Variants in FBXL17 observed in about 807,000 individuals in gnomAD.
FBXL17 encodes F-box and leucine rich repeat protein 17.
A neutral mutation model predicts 66.2 loss-of-function variants in FBXL17; 22 were observed. The observed-to-expected ratio is 0.33, with a 90% CI of 0.24 to 0.47. The LOEUF (loss-of-function observed/expected upper bound fraction) is 0.47, where lower values mean the gene tolerates loss of function less well. FBXL17 is among the 20% of genes least tolerant of loss of function. The probability of loss-of-function intolerance (pLI) is 1.00; values close to 1 mark genes in which losing one functional copy is unlikely to be tolerated. For synonymous variants in FBXL17, 474 were observed against 400.5 expected (o/e 1.18, Z -2.19); for missense variants, 878 against 948.2 (o/e 0.93, Z 0.97).
chr5:108,285,692 AAAACAGTGGGCTTTGT>A (rs1435580417), intron 4 of FBXL17, among the ~76,000 whole-genome samples: 9 of 151,870 alleles, frequency 5.9e-5, no homozygotes, highest in African/African-American at 1.9e-4. Flanking sequence ...TGTGGGCTTG[AAAACAGTGGGCTTTGT>A]AAACAGTGGG....
At chr5:108,380,513 G>A (rs1749771032) in intron 1 of FBXL17, among the ~76,000 whole-genome samples, 186 bp downstream of exon 1, 1 of 152,162 alleles carries the variant, frequency 6.6e-6, no homozygotes, top group African/African-American at 2.4e-5. Context: ...GACTCCAAGT[G>A]CTCCTACTTC....
chr5:108,001,921 A>C (rs1753745395), intron 7 of FBXL17, among the ~76,000 whole-genome samples: 1 of 152,160 alleles, frequency 6.6e-6, no homozygotes, highest in African/African-American at 2.4e-5. Context: ...AATCTTGATG[A>C]TTCTAATAAC....
intron 6 of FBXL17, among the ~76,000 whole-genome samples, chr5:108,033,641 C>A (rs1167566547): frequency 1.3e-5 from 2 of 152,134 alleles, no homozygotes; most frequent in Admixed American, 1.3e-4. Context: ...ATTAGTAGTA[C>A]ACACGTAGTA....
chr5:108,162,758 A>G (rs1752263446), intron 6 of FBXL17, among the ~76,000 whole-genome samples: 1 of 152,134 alleles, frequency 6.6e-6, no homozygotes, highest in Admixed American at 6.5e-5. Flanking sequence ...TAACAGTATC[A>G]CCTCACAGGG....
intron 6 of FBXL17, among the ~76,000 whole-genome samples, chr5:108,030,483 C>T (rs919462611): frequency 1.3e-5 from 2 of 152,148 alleles, no homozygotes; most frequent in South Asian, 4.1e-4. Flanking sequence ...AAACAACCAA[C>T]ATTCCCAATC....
intron 7 of FBXL17, among the ~76,000 whole-genome samples, chr5:107,982,941 G>C (rs1752880525): frequency 6.6e-6 from 1 of 152,114 alleles, no homozygotes; most frequent in South Asian, 2.1e-4. Context: ...ACACCTAGAA[G>C]GCTGTTCTCA....
intron 6 of FBXL17, among the ~76,000 whole-genome samples, chr5:108,062,667 T>C (rs1468960427): frequency 6.6e-6 from 1 of 152,180 alleles, no homozygotes; most frequent in Non-Finnish European, 1.5e-5. Context: ...TAAAGCAATT[T>C]TCATGACTTT....
chr5:108,022,072 A>C lies in FBXL17; in HGVS notation c.1746-1071T>G, dbSNP rs1754625652. ...TTTACTTCACATAATTCATTATTGA[A>C]GGTTAAATTAGTTATAGAGAAGACA... On this transcript the variant is annotated intron_variant, in intron 6 of 8. Coordinates refer to ENST00000542267, the MANE Select transcript of FBXL17 (RefSeq NM_001163315.3). 3.3e-5 allele frequency among the ~76,000 whole-genome samples: 5 copies of C among 151,946 alleles called. No homozygotes were observed. The South Asian group carries it at 1.0e-3, about 31-fold the overall frequency.
At position 108,068,410 on chromosome 5, in the gene FBXL17, A is replaced by G. The variant is rs193132097; in HGVS notation, c.1746-47409T>C. 3.4e-3 allele frequency among the ~76,000 whole-genome samples: 489 copies of G among 144,998 alleles called. 3 individuals carry two copies. The highest frequency in any genetic ancestry group is 0.012 in the African/African-American group (464 of 39,512). ...CCCCCAAAAAGTACTCTTTATACCC[A>G]TAAAATCTAAATACTCCTAATTTCT... On this transcript the variant is annotated intron_variant, in intron 6 of 8. Coordinates refer to ENST00000542267, the MANE Select transcript of FBXL17 (RefSeq NM_001163315.3).
chr5:107,866,433 C>G (rs1748277459), intron 8 of FBXL17, among the ~76,000 whole-genome samples: 1 of 152,144 alleles, frequency 6.6e-6, no homozygotes, highest in South Asian at 2.1e-4. Flanking sequence ...CATCTATTAG[C>G]ACTTTGTGAA....
intron 6 of FBXL17, among the ~76,000 whole-genome samples, chr5:108,184,279 T>C (rs1217060927): frequency 1.3e-5 from 2 of 151,994 alleles, no homozygotes; most frequent in Admixed American, 1.3e-4. Context: ...CAAAACTTAG[T>C]CGGATGTGGT....
intron 7 of FBXL17, among the ~76,000 whole-genome samples, chr5:107,939,376 G>C (rs1034196875): frequency 6.6e-6 from 1 of 152,068 alleles, no homozygotes; most frequent in African/African-American, 2.4e-5. Context: ...GAGTAAATAA[G>C]TGACCTCTTT....
intron 7 of FBXL17, among the ~76,000 whole-genome samples, chr5:107,943,104 G>T (rs1267817346): frequency 2.0e-5 from 3 of 152,036 alleles, no homozygotes; most frequent in Non-Finnish European, 4.4e-5. Flanking sequence ...CGTAAATGTA[G>T]GTGAGCCCAG....
chr5:108,104,432 T>C lies in FBXL17; in HGVS notation c.1745+81685A>G, dbSNP rs548882614. ...AGTGAAAATAAAGAAGTCAATCCTC[T>C]AAGACTTCTCTTGAATTTATAGAAC... On this transcript the variant is annotated intron_variant, in intron 6 of 8. Transcript: ENST00000542267. 9.8e-5 allele frequency among the ~76,000 whole-genome samples: 15 copies of C among 152,366 alleles called. No homozygotes were observed. In the East Asian group the frequency reaches 2.3e-3, roughly 23 times the overall value.
intron 7 of FBXL17, among the ~76,000 whole-genome samples, chr5:107,947,186 C>G (rs1156476639): frequency 6.6e-6 from 1 of 152,140 alleles, no homozygotes; most frequent in Non-Finnish European, 1.5e-5. Context: ...GTACAATGGC[C>G]TTTACCGCGG....
chr5:108,305,705 C>A (rs1335312162), intron 4 of FBXL17, among the ~76,000 whole-genome samples: 1 of 152,042 alleles, frequency 6.6e-6, no homozygotes, highest in Non-Finnish European at 1.5e-5. Flanking sequence ...TCAGTTTGAA[C>A]TGAAAATAAA....
chr5:108,080,779 G>T (rs1055966479), intron 6 of FBXL17, among the ~76,000 whole-genome samples: 1 of 152,116 alleles, frequency 6.6e-6, no homozygotes, highest in African/African-American at 2.4e-5. Flanking sequence ...TAACGACATG[G>T]AATCAGTAGA....
chr5:108,229,284 A>G (rs1202179798), intron 4 of FBXL17, among the ~76,000 whole-genome samples: 1 of 152,154 alleles, frequency 6.6e-6, no homozygotes, highest in Non-Finnish European at 1.5e-5. Context: ...ACAAAAAACA[A>G]ATCTGGGGGC....
intron 4 of FBXL17, among the ~76,000 whole-genome samples, chr5:108,310,736 A>C (rs1205860665): frequency 6.6e-6 from 1 of 152,188 alleles, no homozygotes; most frequent in Non-Finnish European, 1.5e-5. Flanking sequence ...CATATTAGAC[A>C]ATCATTACAC....
Sources: allele counts gnomAD v4.1 joint callset (sites outside exome capture counted in the v4.1 genomes callset), GRCh38; gene constraint gnomAD v4.1.1; transcripts MANE v1.5; gene names NCBI Gene and HGNC (gene_info 2026-07-23, HGNC 2026-07-21).